Variants in APBB1IP observed in about 807,000 individuals in gnomAD.
APBB1IP encodes amyloid beta precursor protein binding family B member 1 interacting protein, also known as amyloid beta A4 precursor protein-binding family B member 1-interacting protein.
In APBB1IP, 27 loss-of-function variants were observed where a neutral mutation model predicts 64.9. That is an observed-to-expected ratio of 0.42 (90% CI 0.31 to 0.57). The LOEUF is 0.57. Among genes scored for constraint, APBB1IP ranks in the 20% least tolerant of loss-of-function variants. The probability of loss-of-function intolerance (pLI) is 0.20; values close to 1 mark genes in which losing one functional copy is unlikely to be tolerated. For synonymous variants in APBB1IP, 392 were observed against 331.0 expected, an observed-to-expected ratio of 1.18 and a Z score of -2.00; for missense variants, 812 against 845.5, an observed-to-expected ratio of 0.96 and a Z score of 0.49.
intron 4 of APBB1IP, 135 bp downstream of exon 4, chr10:26,496,526 A>C: frequency 2.8e-6 from 2 of 724,018 alleles, no homozygotes; most frequent in African/African-American, 1.8e-5. Flanking sequence ...CATGGATTTC[A>C]GACTGGGTTT....
chr10:26,528,779 A>AT (rs913975007), intron 8 of APBB1IP, among the ~76,000 whole-genome samples: 5 of 152,270 alleles, frequency 3.3e-5, no homozygotes, highest in African/African-American at 1.2e-4. Flanking sequence ...TCTACAAAAA[A>AT]TTTAAAAATT....
At chr10:26,482,821 A>C (rs1332476039) in intron 2 of APBB1IP, among the ~76,000 whole-genome samples, 3 of 151,818 alleles carry the variant, frequency 2.0e-5, no homozygotes, top group South Asian at 4.2e-4. Flanking sequence ...AAAAAACAAC[A>C]GTCCCTGTAA....
rs1168364356 is a variant in APBB1IP, at chr10:26,560,829, G to C, written c.1354G>C (p.Ala452Pro). 1 of 1,597,354 alleles carries C rather than the reference G, an allele frequency of 6.3e-7. No individual in the cohort carries two copies. ...GGGGACAGTCAATGCAGCTGCACCA[G>C]CTCAGCCATCTACAGGTACTAAGTG... The part of the protein sequence containing the change: ...NLGTVNAAAP[A>P]QPSTGPKTGT... Residue 452 changes from alanine to proline, a missense_variant, in exon 13 of 15, where the codon GCT (alanine) becomes CCT (proline). Ala to Pro is a conservative substitution (Grantham distance 27, BLOSUM62 -1). This residue lies in a region of APBB1IP where 381 missense variants were observed against 352.1 expected (regional missense o/e 1.08). Transcript: ENST00000376236.
intron 10 of APBB1IP, 50 bp downstream of exon 10, chr10:26,536,267 A>G: frequency 6.5e-7 from 1 of 1,528,124 alleles, no homozygotes; most frequent in Non-Finnish European, 8.7e-7. Context: ...TTTCATGAGA[A>G]TGAAACTAAA....
At chr10:26,550,560 T>C (rs1249138830) in intron 11 of APBB1IP, among the ~76,000 whole-genome samples, 1 of 152,170 alleles carries the variant, frequency 6.6e-6, no homozygotes, top group African/African-American at 2.4e-5. Flanking sequence ...TCATTTTTCA[T>C]TTTGTTTGTT....
intron 2 of APBB1IP, among the ~76,000 whole-genome samples, chr10:26,466,612 G>A (rs552323574): frequency 3.7e-4 from 56 of 152,248 alleles, no homozygotes; most frequent in African/African-American, 1.2e-3. Flanking sequence ...ACCAGCCTGC[G>A]CAACATAGCA....
chr10:26,501,451 T>C (rs1157944227), intron 5 of APBB1IP: 1 of 481,532 alleles, frequency 2.1e-6, no homozygotes, highest in Non-Finnish European at 3.7e-6. Flanking sequence ...TCCATGTCCC[T>C]GTTCTTAGCT....
intron 8 of APBB1IP, among the ~76,000 whole-genome samples, chr10:26,513,883 C>T (rs974583607): frequency 5.9e-5 from 9 of 152,294 alleles, no homozygotes; most frequent in African/African-American, 2.2e-4. Flanking sequence ...CAGGCATGGG[C>T]CACCAGGCCC....
At chr10:26,489,725 A>T (rs1474784302) in intron 2 of APBB1IP, among the ~76,000 whole-genome samples, 2 of 152,182 alleles carry the variant, frequency 1.3e-5, no homozygotes, top group Non-Finnish European at 2.9e-5. Flanking sequence ...AAGAATTGTG[A>T]TATTTTTAAA....
intron 8 of APBB1IP, among the ~76,000 whole-genome samples, chr10:26,522,026 C>G (rs535212245): frequency 7.1e-4 from 108 of 152,198 alleles, no homozygotes; most frequent in Non-Finnish European, 1.4e-3. Flanking sequence ...GCTGATATTA[C>G]AGGCATGAGC....
intron 3 of APBB1IP, among the ~76,000 whole-genome samples, chr10:26,495,522 A>T (rs1836010036): frequency 6.6e-6 from 1 of 151,536 alleles, no homozygotes; most frequent in Admixed American, 6.6e-5. Context: ...TAATCCCAGC[A>T]CTTTAGGAGG....
At chr10:26,482,956 T>G (rs891833961) in intron 2 of APBB1IP, among the ~76,000 whole-genome samples, 1 of 149,636 alleles carries the variant, frequency 6.7e-6, no homozygotes, top group Non-Finnish European at 1.5e-5. Flanking sequence ...CTGGTCATGG[T>G]GGCCGGTGCC....
At chr10:26,518,301 G>A (rs533131514) in intron 8 of APBB1IP, among the ~76,000 whole-genome samples, 88 of 149,332 alleles carry the variant, frequency 5.9e-4, no homozygotes, top group Non-Finnish European at 1.1e-3. Flanking sequence ...AGGCTGGAAT[G>A]CAGTGACACA....
intron 11 of APBB1IP, among the ~76,000 whole-genome samples, chr10:26,551,927 G>GTGGA (rs59758757): frequency 0.031 from 4,657 of 150,074 alleles, 80 homozygotes; most frequent in Non-Finnish European, 0.037. Context: ...AGATGGGTGG[G>GTGGA]TGGATGGATG....
At chr10:26,546,152 G>A (rs1836763041) in intron 11 of APBB1IP, among the ~76,000 whole-genome samples, 1 of 152,186 alleles carries the variant, frequency 6.6e-6, no homozygotes, top group Non-Finnish European at 1.5e-5. Context: ...AGAGATGAGA[G>A]CGTCCAGCCC....
Position 26,567,431 on chromosome 10 carries a change from A to G in APBB1IP, c.1944A>G (p.Gln648=), listed in dbSNP as rs752557240. The G allele has an allele frequency of 6.2e-7, 1 of 1,606,914 alleles. No homozygotes were observed. Among genetic ancestry groups the G allele is most frequent in the Non-Finnish European group, 8.5e-7 (1 of 1,175,238 alleles). Residue 648 remains glutamine, a synonymous_variant, in exon 15 of 15, where the codon CAA becomes CAG. Coordinates refer to ENST00000376236, the MANE Select transcript of APBB1IP (RefSeq NM_019043.4). Reference sequence around the variant, plus strand: ...CCGGCGGAGCAGGAGGCGGGGAGCAAGATTTCATGTCAGACCTCATGAAAG... The same window carrying G: ...CCGGCGGAGCAGGAGGCGGGGAGCAGGATTTCATGTCAGACCTCATGAAAG... ...GHPGGAGGGE[Q]DFMSDLMKAL...
Position 26,519,259 on chromosome 10 carries a change from C to G in APBB1IP, c.813+5599C>G, listed in dbSNP as rs187084823. 3.1e-3 allele frequency among the ~76,000 whole-genome samples: 466 copies of G among 152,028 alleles called. 1 individual carries two copies. The highest frequency in any genetic ancestry group is 6.8e-3 in the Middle Eastern group (2 of 294). Reference sequence around the variant, plus strand: ...TGAGCCAAGATCGTGCCACTGCACTCCAGCCTGGGCAACAAGAGCAAAACT... The same window carrying G: ...TGAGCCAAGATCGTGCCACTGCACTGCAGCCTGGGCAACAAGAGCAAAACT... On this transcript the variant is annotated intron_variant, in intron 8 of 14. Coordinates refer to ENST00000376236, the MANE Select transcript of APBB1IP (RefSeq NM_019043.4).
intron 2 of APBB1IP, among the ~76,000 whole-genome samples, chr10:26,488,872 C>T (rs1457104193): frequency 1.3e-5 from 2 of 152,144 alleles, no homozygotes; most frequent in African/African-American, 2.4e-5. Flanking sequence ...GTGGTCTGAC[C>T]CTTAGCATTC....
In APBB1IP at chr10:26,540,996, A is replaced by G. The variant is rs546139348; in HGVS notation, c.1045-586A>G. Among the ~76,000 whole-genome samples, 7 of 152,088 alleles carry G rather than the reference A, an allele frequency of 4.6e-5. 1 individual carries two copies. In the South Asian group the frequency reaches 1.5e-3, roughly 32 times the overall value. ...CACGGACTTAGAATGGCAAAAGTCAAAATGAAATTTCTGGCTAAGCGGTCA... is the reference window on the plus strand; with the variant it reads ...CACGGACTTAGAATGGCAAAAGTCAGAATGAAATTTCTGGCTAAGCGGTCA... On this transcript the variant is annotated intron_variant, in intron 10 of 14. Transcript: ENST00000376236.
Sources: allele counts gnomAD v4.1 joint callset (sites outside exome capture counted in the v4.1 genomes callset), GRCh38; gene constraint gnomAD v4.1.1; regional missense constraint gnomAD v4.1.1; transcripts MANE v1.5; gene names NCBI Gene and HGNC (gene_info 2026-07-23, HGNC 2026-07-21).